Variants in NRAP observed in about 807,000 individuals in gnomAD.
The protein encoded by NRAP is nebulin related anchoring protein, also known as nebulin-related-anchoring protein.
In NRAP, 189 loss-of-function variants were observed where a neutral mutation model predicts 225.9. That is an observed-to-expected ratio of 0.84 (90% CI 0.74 to 0.94). NRAP has a LOEUF of 0.94. Among genes scored for constraint, NRAP ranks in the 40% least tolerant of loss-of-function variants. The pLI, the probability that NRAP is intolerant of heterozygous loss-of-function variation, is 0.00. For missense variants in NRAP, 2,176 were observed against 2,168.7 expected (o/e 1.00, Z -0.07); for synonymous variants, 769 against 790.7 (o/e 0.97, Z 0.46).
At chr10:113,594,963 C>T (rs1289107606) in intron 38 of NRAP, among the ~76,000 whole-genome samples, 3 of 152,204 alleles carry the variant, frequency 2.0e-5, no homozygotes, top group Non-Finnish European at 4.4e-5. Flanking sequence ...TTGATTCTGC[C>T]GTCTCTCTAC....
intron 9 of NRAP, among the ~76,000 whole-genome samples, chr10:113,649,360 G>A (rs1282451533): frequency 2.0e-5 from 3 of 152,196 alleles, no homozygotes; most frequent in African/African-American, 4.8e-5. Context: ...CCCATGGAAT[G>A]TATTCTTCCA....
Position 113,647,571 on chromosome 10 carries a change from C to T in NRAP, c.889-544G>A, listed in dbSNP as rs1416568768. On this transcript the variant is annotated intron_variant, in intron 9 of 41. Transcript: ENST00000359988. ...GTACTGTCTCCCCCAGTGGTACTGC[C>T]TCCCCTGGTGGTACTTCCTCCCCTA... Among the ~76,000 whole-genome samples the T allele has an allele frequency of 4.1e-4, 61 of 148,676 alleles. 7 individuals are homozygous for T. Among genetic ancestry groups the T allele is most frequent in the Middle Eastern group, 3.6e-3 (1 of 280 alleles).
chr10:113,654,746 G>A (rs1337249584), intron 4 of NRAP, among the ~76,000 whole-genome samples: 2 of 152,236 alleles, frequency 1.3e-5, no homozygotes, highest in African/African-American at 2.4e-5. Flanking sequence ...AGGGCAATTA[G>A]TAGAGGCCAA....
At chr10:113,597,244 G>A in intron 36 of NRAP, 60 bp from the exon 37 acceptor site, 1 of 1,074,072 alleles carries the variant, frequency 9.3e-7, no homozygotes, top group Non-Finnish European at 1.5e-6. Context: ...ATCTTTCAGG[G>A]TGCAGCTTCA....
chr10:113,642,914 G>A lies in NRAP; in HGVS notation c.1215+20C>T. On this transcript the variant is annotated intron_variant, in intron 12 of 41. Coordinates refer to ENST00000359988, the MANE Select transcript of NRAP (RefSeq NM_198060.4). Reference sequence around the variant, plus strand: ...GCTCACCAACAGTGCCCAAACAAAAGCTTAGCGTTAACAACTCACATCACT... The same window carrying A: ...GCTCACCAACAGTGCCCAAACAAAAACTTAGCGTTAACAACTCACATCACT... 3 of 1,340,116 alleles carry A rather than the reference G, an allele frequency of 2.2e-6. No homozygotes were observed. The highest frequency in any genetic ancestry group is 3.2e-6 in the Non-Finnish European group (3 of 930,128). 83.0% of individuals were successfully genotyped at this position (1,340,116 alleles called of 1,614,324 possible).
intron 26 of NRAP, 38 bp downstream of exon 26, chr10:113,617,417 C>A: frequency 8.3e-7 from 1 of 1,200,340 alleles, no homozygotes; most frequent in Non-Finnish European, 1.2e-6. Flanking sequence ...AAGAAGAGCC[C>A]ACTCTTAGAG....
chr10:113,631,733 C>T (rs774262619), intron 17 of NRAP, 123 bp from the exon 18 acceptor site: 12 of 897,842 alleles, frequency 1.3e-5, no homozygotes, highest in Admixed American at 8.5e-5. Context: ...TTCACAAATC[C>T]AGAAGAAGAT....
chr10:113,595,024 T>G (rs1425617711), intron 38 of NRAP, among the ~76,000 whole-genome samples: 1 of 152,252 alleles, frequency 6.6e-6, no homozygotes, highest in East Asian at 1.9e-4. Context: ...CCTATTCTAT[T>G]ACAACCAGGG....
chr10:113,597,275 A>T, intron 36 of NRAP, 91 bp from the exon 37 acceptor site: 1 of 790,968 alleles, frequency 1.3e-6, no homozygotes, highest in East Asian at 2.5e-5. Flanking sequence ...TCAGTACCTA[A>T]CATGCCAATC....
chr10:113,635,321 G>A (rs1200845437), intron 14 of NRAP, among the ~76,000 whole-genome samples: 4 of 152,174 alleles, frequency 2.6e-5, no homozygotes. Context: ...AGGCACTAAG[G>A]TGAGCTGAGT....
chr10:113,640,127 T>C, intron 14 of NRAP, 100 bp downstream of exon 14: 4 of 684,830 alleles, frequency 5.8e-6, no homozygotes, highest in Non-Finnish European at 1.0e-5. Context: ...TCTTATGAAC[T>C]GTTGTATCAT....
rs1173749192 is a variant in NRAP, at chr10:113,595,712, C to T, written c.4447G>A (p.Gly1483Arg). ...MHCNERMYRS[G>R]DAESLHRYTL... ...TATCTGTGCAGGGATTCTGCATCTCCAGATCTATACATGCGCTGTAGATAA... is the reference window on the plus strand; with the variant it reads ...TATCTGTGCAGGGATTCTGCATCTCTAGATCTATACATGCGCTGTAGATAA... The change falls in exon 38 of 42, where the codon GGA becomes AGA. Residue 1483 changes from glycine to arginine, a missense_variant. Gly to Arg is a moderately radical substitution (Grantham distance 125). Transcript: ENST00000359988. The T allele has an allele frequency of 1.2e-6, 2 of 1,610,168 alleles. No individual in the cohort carries two copies. The highest frequency in any genetic ancestry group is 1.7e-6 in the Non-Finnish European group (2 of 1,176,508).
intron 20 of NRAP, 85 bp from the exon 21 acceptor site, chr10:113,626,230 T>C: frequency 1.2e-6 from 1 of 804,458 alleles, no homozygotes; most frequent in Non-Finnish European, 2.0e-6. Flanking sequence ...CACACACACA[T>C]TCTTTCTGTG....
At chr10:113,617,931 T>G (rs144504748) in intron 25 of NRAP, among the ~76,000 whole-genome samples, 73 of 152,292 alleles carry the variant, frequency 4.8e-4, no homozygotes, top group African/African-American at 1.7e-3. Flanking sequence ...GTTACATTTA[T>G]CCATTTAAGC....
chr10:113,592,065 G>T, intron 39 of NRAP, 129 bp downstream of exon 39: 1 of 509,314 alleles, frequency 2.0e-6, no homozygotes, highest in Admixed American at 3.6e-5. Context: ...TTAAAATACA[G>T]TACATGTTCA....
In NRAP at chr10:113,605,016, T is replaced by A. The variant is rs148711777; in HGVS notation, c.3916-96A>T. The A allele has an allele frequency of 2.0e-3, 2,799 of 1,391,504 alleles. 5 individuals are homozygous for A. Among genetic ancestry groups the A allele is most frequent in the Non-Finnish European group, 2.4e-3 (2,498 of 1,022,876 alleles). The allele number at this position is 1,391,504 out of a possible 1,614,324, so 86.2% of individuals were successfully genotyped here. A position where few individuals can be genotyped will look rare whatever the true frequency, so the allele number is the denominator to read the frequency against. The stretch of plus-strand genomic sequence containing the variant: ...TTCTTACACTAGGAGGTGATGATTA[T>A]AAGAAAAACCACAGTGGGGCTGGCC... On this transcript the variant is annotated intron_variant, in intron 34 of 41. Transcript: ENST00000359988.
chr10:113,621,907 C>T lies in NRAP; in HGVS notation c.2731G>A (p.Val911Met), dbSNP rs775572063. 8 of 1,613,780 alleles carry T rather than the reference C, an allele frequency of 5.0e-6. No individual in the cohort carries two copies. Among genetic ancestry groups the T allele is most frequent in the South Asian group, 1.1e-5 (1 of 91,076 alleles). The change falls in exon 24 of 42, where the codon GTG becomes ATG. Residue 911 changes from valine (V) to methionine (M), a missense_variant. Physicochemically the swap from Val to Met is conservative, Grantham distance 21. Around this residue, in one of 3 missense-constraint regions of NRAP, gnomAD observed 1,708 missense variants for 1,695.5 expected, o/e 1.01. Coordinates refer to ENST00000359988, the MANE Select transcript of NRAP (RefSeq NM_198060.4). Reference sequence around the variant, plus strand: ...CCATAAGCCTTCTTGGCCCATTCCACCTTCATGTCTGTGGGCAAAGCCGTA... The same window carrying T: ...CCATAAGCCTTCTTGGCCCATTCCATCTTCATGTCTGTGGGCAAAGCCGTA... Reference protein sequence around the residue: ...HFTALPTDMKVEWAKKAYGLQ... With the variant: ...HFTALPTDMKMEWAKKAYGLQ...
At chr10:113,619,140 GCTAA>G (rs1007031309) in intron 25 of NRAP, among the ~76,000 whole-genome samples, 3 of 152,122 alleles carry the variant, frequency 2.0e-5, no homozygotes, top group African/African-American at 7.2e-5. Flanking sequence ...AAATGAGGTG[GCTAA>G]CTAACAACTG....
At position 113,628,250 on chromosome 10, in the gene NRAP, C is replaced by T. The variant is rs559163005; in HGVS notation, c.2145+667G>A. On this transcript the variant is annotated intron_variant, in intron 20 of 41. Coordinates refer to ENST00000359988, the MANE Select transcript of NRAP (RefSeq NM_198060.4). ...TCGCCCAGGCTGGAGAGCAGTGGCA[C>T]GATCTCGGTTCACTGCAACCTCTGC... Among the ~76,000 whole-genome samples, 33 of 152,210 alleles carry T rather than the reference C, an allele frequency of 2.2e-4. No individual in the cohort carries two copies. In the East Asian group the frequency reaches 5.0e-3, roughly 23 times the overall value.
Sources: allele counts gnomAD v4.1 joint callset (sites outside exome capture counted in the v4.1 genomes callset), GRCh38; gene constraint gnomAD v4.1.1; regional missense constraint gnomAD v4.1.1; transcripts MANE v1.5; gene names NCBI Gene and HGNC (gene_info 2026-07-23, HGNC 2026-07-21).